The following MAPRE2 variants were observed in gnomAD, a reference collection of about 807,000 sequenced individuals.
MAPRE2 encodes the protein microtubule associated protein RP/EB family member 2.
In MAPRE2, 13 loss-of-function variants were observed where a neutral mutation model predicts 43.2. The observed-to-expected ratio is 0.30, with a 90% CI of 0.20 to 0.48. The LOEUF (loss-of-function observed/expected upper bound fraction) is 0.48. MAPRE2 is among the 20% of genes least tolerant of loss of function. The pLI, the probability that MAPRE2 is intolerant of heterozygous loss-of-function variation, is 0.99. For synonymous variants in MAPRE2, 135 were observed against 148.8 expected, an observed-to-expected ratio of 0.91 and a Z score of 0.68; for missense variants, 161 against 400.2, an observed-to-expected ratio of 0.40 and a Z score of 5.10.
intron 2 of MAPRE2, among the ~76,000 whole-genome samples, chr18:35,029,485 C>T (rs1326186571): frequency 6.6e-6 from 1 of 152,168 alleles, no homozygotes; most frequent in Non-Finnish European, 1.5e-5. Context: ...GTCCCTGGTA[C>T]CTGATGGAAT....
intron 2 of MAPRE2, among the ~76,000 whole-genome samples, chr18:35,074,273 A>G (rs557840262): frequency 6.6e-6 from 1 of 152,014 alleles, no homozygotes; most frequent in African/African-American, 2.4e-5. Flanking sequence ...CAGCTTGGGC[A>G]GGGGGGTGAT....
chr18:35,133,087 TTG>T (rs1477365130), intron 6 of MAPRE2, among the ~76,000 whole-genome samples: 1 of 152,014 alleles, frequency 6.6e-6, no homozygotes, highest in Non-Finnish European at 1.5e-5. Context: ...TCCAGTGGAG[TTG>T]TATGTGTTGA....
At chr18:35,028,825 G>A in intron 2 of MAPRE2, among the ~76,000 whole-genome samples, 1 of 152,188 alleles carries the variant, frequency 6.6e-6, no homozygotes, top group Admixed American at 6.5e-5. Context: ...TGGAATTGTG[G>A]GCTGGTGGGA....
chr18:35,127,320 C>T (rs1295922610), intron 5 of MAPRE2: 2 of 465,924 alleles, frequency 4.3e-6, no homozygotes, highest in African/African-American at 3.9e-5. Context: ...GATGGCTCAG[C>T]CTTGCTGCAG....
chr18:35,035,345 C>T (rs2097050004), intron 2 of MAPRE2, among the ~76,000 whole-genome samples: 2 of 149,214 alleles, frequency 1.3e-5, no homozygotes, highest in Non-Finnish European at 3.0e-5. Flanking sequence ...GGGAACATCA[C>T]ACTCTGGGGA....
At chr18:35,063,720 A>T (rs1906676331) in intron 1 of MAPRE2, among the ~76,000 whole-genome samples, 1 of 152,110 alleles carries the variant, frequency 6.6e-6, no homozygotes, top group Admixed American at 6.5e-5. Context: ...CAGGCTGGGT[A>T]CTGTGGCTCA....
chr18:34,985,164 T>C (rs1430842071), intron 1 of MAPRE2, among the ~76,000 whole-genome samples: 2 of 76,164 alleles, frequency 2.6e-5, no homozygotes, highest in Non-Finnish European at 4.4e-5. Flanking sequence ...AATATATAAA[T>C]ATATAAAAAT....
intron 4 of MAPRE2, among the ~76,000 whole-genome samples, chr18:35,122,319 G>A (rs191549652): frequency 6.6e-6 from 1 of 152,080 alleles, no homozygotes; most frequent in Non-Finnish European, 1.5e-5. Flanking sequence ...TAATTATGGG[G>A]TTTTTTTGTT....
intron 1 of MAPRE2, among the ~76,000 whole-genome samples, chr18:34,985,620 A>G (rs1167304732): frequency 1.8e-4 from 18 of 98,546 alleles, no homozygotes; most frequent in Non-Finnish European, 3.2e-4. Flanking sequence ...TTATAATAAT[A>G]TATAACATAT....
At chr18:34,978,025 C>T (rs1187493192) in intron 1 of MAPRE2, among the ~76,000 whole-genome samples, 1 of 152,170 alleles carries the variant, frequency 6.6e-6, no homozygotes, top group Non-Finnish European at 1.5e-5. Context: ...GGAGAAGGGG[C>T]GCTGCAGCCA....
In MAPRE2 at chr18:35,093,334, C is replaced by G. The variant is rs143685755; in HGVS notation, c.251-4112C>G. Reference sequence around the variant, plus strand: ...CTGTTGGTAGAAATGTGAATTAGTACAGCCATTATAAAAAACAATATGGAG... The same window carrying G: ...CTGTTGGTAGAAATGTGAATTAGTAGAGCCATTATAAAAAACAATATGGAG... On this transcript the variant is annotated intron_variant, in intron 2 of 6. Coordinates refer to ENST00000300249, the MANE Select transcript of MAPRE2 (RefSeq NM_014268.4). Among the ~76,000 whole-genome samples, 1,376 of 149,130 alleles carry G rather than the reference C, an allele frequency of 9.2e-3. 13 individuals carry two copies. The highest frequency in any genetic ancestry group is 0.015 in the Admixed American group (219 of 14,870).
chr18:35,021,828 A>G (rs1261646615), intron 2 of MAPRE2, among the ~76,000 whole-genome samples: 1 of 152,192 alleles, frequency 6.6e-6, no homozygotes, highest in African/African-American at 2.4e-5. Context: ...AAATAAAGGC[A>G]TAAAGATTCA....
chr18:35,094,982 C>T (rs1306102639), intron 2 of MAPRE2, among the ~76,000 whole-genome samples: 2 of 152,120 alleles, frequency 1.3e-5, no homozygotes, highest in East Asian at 3.8e-4. Flanking sequence ...TGGTGGGAGG[C>T]AGGGCACTAT....
intron 1 of MAPRE2, among the ~76,000 whole-genome samples, chr18:35,062,891 G>A (rs1173694678): frequency 6.6e-6 from 1 of 152,152 alleles, no homozygotes; most frequent in African/African-American, 2.4e-5. Context: ...TTTCATTTAT[G>A]TGAAACTGGG....
intron 4 of MAPRE2, among the ~76,000 whole-genome samples, chr18:35,123,609 G>A (rs980338396): frequency 3.9e-5 from 6 of 152,192 alleles, no homozygotes; most frequent in Admixed American, 3.9e-4. Flanking sequence ...TTTACAGAAG[G>A]TAATCTTAAG....
intron 1 of MAPRE2, among the ~76,000 whole-genome samples, chr18:34,989,222 G>C (rs935896341): frequency 2.0e-5 from 3 of 152,196 alleles, no homozygotes; most frequent in Admixed American, 1.3e-4. Context: ...ATTGTGTAAA[G>C]TTCTTCTTGT....
At chr18:35,038,209 C>A (rs1603392531), upstream of MAPRE2, among the ~76,000 whole-genome samples, 1 of 152,312 alleles carries the variant, frequency 6.6e-6, no homozygotes, top group Non-Finnish European at 1.5e-5. Flanking sequence ...ACCACCACCA[C>A]CATCACAAAC....
chr18:35,020,640 G>C (rs920135311), intron 2 of MAPRE2, among the ~76,000 whole-genome samples: 1 of 151,732 alleles, frequency 6.6e-6, no homozygotes, highest in Non-Finnish European at 1.5e-5. Flanking sequence ...TTCTGTAAAG[G>C]TGTCTTCGAA....
At chr18:35,089,813 T>C (rs1338094448) in intron 2 of MAPRE2, among the ~76,000 whole-genome samples, 1 of 152,206 alleles carries the variant, frequency 6.6e-6, no homozygotes, top group Non-Finnish European at 1.5e-5. Flanking sequence ...ATTGAAAACA[T>C]GTCCATGAAA....
Sources: allele counts gnomAD v4.1 joint callset (sites outside exome capture counted in the v4.1 genomes callset), GRCh38; gene constraint gnomAD v4.1.1; transcripts MANE v1.5; gene names NCBI Gene and HGNC (gene_info 2026-07-23, HGNC 2026-07-21).